The following GLMN variants were observed in gnomAD, a reference collection of about 807,000 sequenced individuals.
The protein encoded by GLMN is glomulin, FKBP associated protein, also known as glomulin.
Under a neutral mutation model 87.8 loss-of-function variants are expected in GLMN, and 75 were observed. The ratio of observed to expected loss-of-function variants is 0.85; its 90% CI spans 0.71 to 1.04. The LOEUF (loss-of-function observed/expected upper bound fraction) is 1.04. GLMN is among the 50% of genes least tolerant of loss of function. The pLI is 0.00. For missense variants in GLMN, 588 were observed against 658.8 expected (o/e 0.89, Z 1.18); for synonymous variants, 206 against 221.6 (o/e 0.93, Z 0.63).
Position 92,248,730 on chromosome 1 carries a change from A to T in GLMN, c.1474-741T>A, listed in dbSNP as rs543472948. 2.6e-5 allele frequency among the ~76,000 whole-genome samples: 4 copies of T among 152,250 alleles called. No individual in the cohort carries two copies. The East Asian group carries it at 7.7e-4, about 29-fold the overall frequency. ...TGATAACCTATTTTGTAATGAGCTT[A>T]TTTTGACCCAAGTAGTACATGTTAC... On this transcript the variant is annotated intron_variant, in intron 16 of 18. Coordinates refer to ENST00000370360, the MANE Select transcript of GLMN (RefSeq NM_053274.3).
Position 92,267,958 on chromosome 1 carries a change from T to A in GLMN, c.1053A>T (p.Leu351=), listed in dbSNP as rs1270622611. Reference sequence around the variant, plus strand: ...TCTTGATTTCTAAGTACTGGTAAAGTAGACTATTGTCTTCTATTCTCAATA... The same window carrying A: ...TCTTGATTTCTAAGTACTGGTAAAGAAGACTATTGTCTTCTATTCTCAATA... ...NSLLRIEDNS[L]LYQYLEIKSF... Residue 351 remains leucine (L), a synonymous_variant, in exon 11 of 19, where the codon CTA becomes CTT. Coordinates refer to ENST00000370360, the MANE Select transcript of GLMN (RefSeq NM_053274.3). 1.3e-6 allele frequency: 2 copies of A among 1,558,742 alleles called. No homozygotes were observed. Among genetic ancestry groups the A allele is most frequent in the Non-Finnish European group, 1.8e-6 (2 of 1,129,824 alleles).
At chr1:92,357,296 C>CA in the GLMN span, among the ~76,000 whole-genome samples, 1 of 151,596 alleles carries the variant, frequency 6.6e-6, no homozygotes, top group African/African-American at 2.4e-5. Flanking sequence ...TGTTAAATGC[C>CA]AAAAAAGAAA....
At chr1:92,298,522 AG>A (rs910077872) in intron 1 of GLMN, among the ~76,000 whole-genome samples, 1 of 152,156 alleles carries the variant, frequency 6.6e-6, no homozygotes, top group African/African-American at 2.4e-5. Context: ...GCTTATCTAT[AG>A]GGGGTGAAGA....
At chr1:92,247,496 C>T (rs971631691) in intron 17 of GLMN, among the ~76,000 whole-genome samples, 20 of 152,008 alleles carry the variant, frequency 1.3e-4, no homozygotes, top group East Asian at 3.9e-4. Flanking sequence ...AGAGATCACA[C>T]GATTATTATA....
chr1:92,284,015 G>A (rs1648422612), intron 7 of GLMN, among the ~76,000 whole-genome samples: 1 of 152,140 alleles, frequency 6.6e-6, no homozygotes, highest in Non-Finnish European at 1.5e-5. Context: ...TGAATAGGAA[G>A]AATCAATATC....
the GLMN span, among the ~76,000 whole-genome samples, chr1:92,342,782 A>G: frequency 6.6e-6 from 1 of 152,262 alleles, no homozygotes; most frequent in African/African-American, 2.4e-5. Context: ...AAGTTTAACC[A>G]TAAGATTTGT....
intron 3 of GLMN, among the ~76,000 whole-genome samples, chr1:92,297,178 C>T (rs1224930221): frequency 6.7e-6 from 1 of 149,626 alleles, no homozygotes; most frequent in Non-Finnish European, 1.5e-5. Flanking sequence ...TCTCAAACTC[C>T]TGGGCTCAAG....
intron 14 of GLMN, among the ~76,000 whole-genome samples, 158 bp from the exon 15 acceptor site, chr1:92,263,890 G>A (rs946128017): frequency 1.7e-4 from 26 of 152,144 alleles, no homozygotes; most frequent in Admixed American, 3.9e-4. Flanking sequence ...CACCAGGAAC[G>A]AACCCTGCCA....
intron 7 of GLMN, among the ~76,000 whole-genome samples, chr1:92,276,459 C>T (rs1325057518): frequency 6.6e-6 from 1 of 152,120 alleles, no homozygotes; most frequent in East Asian, 1.9e-4. Flanking sequence ...CCCAGGAGTT[C>T]GAGACCAGCC....
intron 16 of GLMN, among the ~76,000 whole-genome samples, chr1:92,251,739 T>TCATCCTTTCAGTTTTA (rs1653532567): frequency 6.6e-6 from 1 of 152,140 alleles, no homozygotes; most frequent in South Asian, 2.1e-4. Flanking sequence ...TTTTTTTCTT[T>TCATCCTTTCAGTTTTA]CATCCTTTCA....
intron 16 of GLMN, among the ~76,000 whole-genome samples, chr1:92,256,856 G>A (rs1347038682): frequency 6.6e-6 from 1 of 152,176 alleles, no homozygotes; most frequent in Non-Finnish European, 1.5e-5. Context: ...AGACAGGGAT[G>A]CCCTCTCTCA....
intron 7 of GLMN, among the ~76,000 whole-genome samples, chr1:92,276,786 G>A (rs1048533757): frequency 1.3e-5 from 2 of 152,128 alleles, no homozygotes; most frequent in African/African-American, 4.8e-5. Flanking sequence ...GATGAATTAT[G>A]TTTAGGACTT....
the GLMN span, among the ~76,000 whole-genome samples, chr1:92,307,763 G>A: frequency 6.6e-5 from 10 of 150,998 alleles, no homozygotes; most frequent in East Asian, 1.5e-3. Context: ...GGGCAATGCT[G>A]GAGTTTAGCC....
chr1:92,323,758 G>A, the GLMN span: 1 of 1,613,998 alleles, frequency 6.2e-7, no homozygotes, highest in African/African-American at 1.3e-5. Context: ...TTGCAAATTA[G>A]ATAGTCAGGA....
intron 7 of GLMN, among the ~76,000 whole-genome samples, chr1:92,283,909 A>G (rs924217760): frequency 7.2e-5 from 11 of 152,224 alleles, no homozygotes; most frequent in African/African-American, 2.7e-4. Flanking sequence ...AATCCAACTT[A>G]CACGGGATGT....
chr1:92,323,488 A>G, the GLMN span: 4 of 1,612,908 alleles, frequency 2.5e-6, no homozygotes, highest in South Asian at 2.2e-5. Context: ...TAAAGCCATT[A>G]AAACATCAGA....
the GLMN span, among the ~76,000 whole-genome samples, chr1:92,353,409 A>T: frequency 6.6e-6 from 1 of 152,130 alleles, no homozygotes; most frequent in Admixed American, 6.6e-5. Flanking sequence ...TTTCCCAAAA[A>T]CTTAAATATG....
chr1:92,362,751 C>T, the GLMN span, among the ~76,000 whole-genome samples: 1 of 151,998 alleles, frequency 6.6e-6, no homozygotes, highest in Non-Finnish European at 1.5e-5. Flanking sequence ...AGTTTTGAGG[C>T]CCCACATTAT....
In GLMN at chr1:92,293,604, G is replaced by A. The variant is rs549374643; in HGVS notation, c.166-2067C>T. ...CATATGATCCAGCAATCCCACTGCT[G>A]GGTATATACCCAAAAGAAAGGATAT... On this transcript the variant is annotated intron_variant, in intron 3 of 18. Coordinates refer to ENST00000370360, the MANE Select transcript of GLMN (RefSeq NM_053274.3). 3.3e-5 allele frequency among the ~76,000 whole-genome samples: 5 copies of A among 152,130 alleles called. No individual in the cohort carries two copies. The East Asian group carries it at 9.6e-4, about 29-fold the overall frequency.
Sources: gnomAD v4.1 joint callset for allele counts (sites outside exome capture counted in the v4.1 genomes callset) on GRCh38, gnomAD v4.1.1 for gene constraint, MANE v1.5 for transcripts, NCBI Gene and HGNC (gene_info 2026-07-23, HGNC 2026-07-21) for gene names.